Variants in SNX30 observed in about 807,000 individuals in gnomAD.
SNX30 encodes sorting nexin-30.
Under a neutral mutation model 46.4 loss-of-function variants are expected in SNX30, and 24 were observed. That is an observed-to-expected ratio of 0.52 (90% CI 0.37 to 0.73). SNX30 has a LOEUF of 0.73. Ranked by LOEUF, SNX30 falls within the 30% of genes least tolerant of loss-of-function variation. The probability of loss-of-function intolerance (pLI) is 0.00; values close to 1 mark genes in which losing one functional copy is unlikely to be tolerated. For synonymous variants in SNX30, 189 were observed against 211.5 expected (o/e 0.89, Z 0.92); for missense variants, 533 against 555.7 (o/e 0.96, Z 0.41).
At chr9:112,761,199 G>A (rs1392528822) in intron 1 of SNX30, among the ~76,000 whole-genome samples, 2 of 152,194 alleles carry the variant, frequency 1.3e-5, no homozygotes, top group African/African-American at 4.8e-5. Context: ...GTCTCGCTCT[G>A]TCATCCAGGC....
chr9:112,851,997 T>C (rs1431552571), intron 7 of SNX30, among the ~76,000 whole-genome samples: 2 of 152,230 alleles, frequency 1.3e-5, no homozygotes, highest in Non-Finnish European at 2.9e-5. Flanking sequence ...TTTTAAAATA[T>C]ACACAAATAA....
rs1385245977 is a variant in SNX30, at chr9:112,866,556, TC to T, written c.1254+2159del. On this transcript the variant is annotated intron_variant, in intron 8 of 8. Coordinates refer to ENST00000374232, the MANE Select transcript of SNX30 (RefSeq NM_001012994.2). The stretch of plus-strand genomic sequence containing the variant: ...GAATGCCACAGACCCCAGATCATCT[TC>T]CGTATATAAGGTGGGCTTCAGAGTT... 11 of 470,210 alleles carry T rather than the reference TC, an allele frequency of 2.3e-5. 1 individual carries two copies. The highest frequency in any genetic ancestry group is 4.6e-5 in the South Asian group (3 of 64,542). The allele number at this position is 470,210 out of a possible 1,614,324, so 29.1% of individuals were successfully genotyped here. A position where few individuals can be genotyped will look rare whatever the true frequency, so the allele number is the denominator to read the frequency against.
intron 4 of SNX30, among the ~76,000 whole-genome samples, chr9:112,831,153 A>AG (rs1840654081): frequency 1.3e-5 from 2 of 151,924 alleles, no homozygotes; most frequent in Non-Finnish European, 2.9e-5. Flanking sequence ...AAAAAAAAAA[A>AG]AAAAAGCGGT....
At chr9:112,843,880 G>C (rs1840897836) in intron 6 of SNX30, among the ~76,000 whole-genome samples, 1 of 152,162 alleles carries the variant, frequency 6.6e-6, no homozygotes, top group Non-Finnish European at 1.5e-5. Context: ...CCCAAATGCA[G>C]TAGCGTCTTA....
chr9:112,757,854 T>C (rs1462175497), intron 1 of SNX30, among the ~76,000 whole-genome samples: 1 of 152,226 alleles, frequency 6.6e-6, no homozygotes, highest in African/African-American at 2.4e-5. Flanking sequence ...CATTTGTTCA[T>C]GTCTTTCATC....
intron 6 of SNX30, among the ~76,000 whole-genome samples, chr9:112,841,693 T>A (rs960003388): frequency 3.9e-5 from 6 of 152,238 alleles, no homozygotes; most frequent in African/African-American, 1.4e-4. Flanking sequence ...AGACTGTGTC[T>A]GGGATTATCA....
chr9:112,876,064 G>A (rs909080993), downstream of SNX30: 8 of 152,236 alleles, frequency 5.3e-5, no homozygotes, highest in African/African-American at 1.9e-4. Flanking sequence ...TGGGATTACA[G>A]GCATAAGCCA....
intron 1 of SNX30, among the ~76,000 whole-genome samples, chr9:112,763,330 AGTG>A (rs1288161417): frequency 8.1e-6 from 1 of 123,022 alleles, no homozygotes; most frequent in Non-Finnish European, 1.6e-5. Flanking sequence ...CTTAGCTCCT[AGTG>A]GTGTATGGTG....
At chr9:112,793,741 T>G (rs1840061601) in intron 1 of SNX30, among the ~76,000 whole-genome samples, 1 of 152,122 alleles carries the variant, frequency 6.6e-6, no homozygotes, top group Non-Finnish European at 1.5e-5. Context: ...CCTTTCCTCA[T>G]TTCCAGTATT....
At chr9:112,768,519 A>C (rs912845780) in intron 1 of SNX30, among the ~76,000 whole-genome samples, 1 of 152,266 alleles carries the variant, frequency 6.6e-6, no homozygotes, top group South Asian at 2.1e-4. Flanking sequence ...CTAAGCATTC[A>C]GATCCTCCAA....
intron 1 of SNX30, among the ~76,000 whole-genome samples, chr9:112,767,534 G>C (rs1177601424): frequency 6.6e-6 from 1 of 151,626 alleles, no homozygotes; most frequent in Admixed American, 6.6e-5. Flanking sequence ...TTTTTTCCTA[G>C]GAGTTTTATG....
intron 7 of SNX30, among the ~76,000 whole-genome samples, chr9:112,858,110 A>T (rs1201455492): frequency 6.6e-6 from 1 of 152,224 alleles, no homozygotes; most frequent in Non-Finnish European, 1.5e-5. Context: ...CCTTGGTGTC[A>T]TGATAAGCAA....
intron 1 of SNX30, among the ~76,000 whole-genome samples, chr9:112,778,013 A>G (rs1839777694): frequency 6.6e-6 from 1 of 151,952 alleles, no homozygotes. Flanking sequence ...TTGTATTTGG[A>G]GTCAGAAGTT....
intron 7 of SNX30, among the ~76,000 whole-genome samples, chr9:112,857,747 C>T (rs16917411): frequency 0.032 from 4,787 of 151,206 alleles, 102 homozygotes; most frequent in East Asian, 0.088. Context: ...ATGGAAGGAG[C>T]TCAGTAACGC....
intron 7 of SNX30, among the ~76,000 whole-genome samples, chr9:112,861,659 G>C (rs1378140899): frequency 6.6e-6 from 1 of 152,210 alleles, no homozygotes; most frequent in East Asian, 1.9e-4. Context: ...GCCACCCTCT[G>C]CCAGTCTTGC....
At chr9:112,880,658 T>C (rs1053678637) in intron 5 of SNX30, among the ~76,000 whole-genome samples, 8 of 152,228 alleles carry the variant, frequency 5.3e-5, no homozygotes, top group East Asian at 1.9e-4. Flanking sequence ...TAAACACTTT[T>C]TTCTGCTGCA....
chr9:112,781,828 G>GA (rs1486471282), intron 1 of SNX30, among the ~76,000 whole-genome samples: 1 of 149,734 alleles, frequency 6.7e-6, no homozygotes, highest in Non-Finnish European at 1.5e-5. Flanking sequence ...ATTTAGTAGA[G>GA]ACGGGGTTTT....
intron 7 of SNX30, among the ~76,000 whole-genome samples, chr9:112,853,228 C>A (rs531814611): frequency 1.3e-5 from 2 of 152,238 alleles, no homozygotes; most frequent in South Asian, 2.1e-4. Context: ...AGGATTGGAA[C>A]TGTAGTCACT....
intron 1 of SNX30, among the ~76,000 whole-genome samples, chr9:112,758,394 A>T (rs1367023219): frequency 6.6e-6 from 1 of 151,806 alleles, no homozygotes; most frequent in Admixed American, 6.6e-5. Flanking sequence ...CAGTGGCACG[A>T]TCTTGGCTCG....
Sources: allele counts gnomAD v4.1 joint callset (sites outside exome capture counted in the v4.1 genomes callset), GRCh38; gene constraint gnomAD v4.1.1; transcripts MANE v1.5; gene names NCBI Gene and HGNC (gene_info 2026-07-23, HGNC 2026-07-21).